The following LRRTM4 variants were observed in gnomAD, a reference collection of about 807,000 sequenced individuals.
The protein encoded by LRRTM4 is leucine-rich repeat transmembrane neuronal protein 4.
A neutral mutation model predicts 47.6 loss-of-function variants in LRRTM4; 25 were observed. That is an observed-to-expected ratio of 0.53 (90% CI 0.38 to 0.73). The LOEUF is 0.73. LRRTM4 is among the 30% of genes least tolerant of loss of function. The pLI, the probability that LRRTM4 is intolerant of heterozygous loss-of-function variation, is 0.00. For missense variants in LRRTM4, 638 were observed against 713.4 expected, an observed-to-expected ratio of 0.89 and a Z score of 1.20; for synonymous variants, 311 against 269.5, an observed-to-expected ratio of 1.15 and a Z score of -1.51.
rs1428249420 is a variant in LRRTM4, at chr2:77,518,664, G to C, written c.1205C>G (p.Pro402Arg). 1 of 1,613,324 alleles carries C rather than the reference G, an allele frequency of 6.2e-7. No homozygotes were observed. Among genetic ancestry groups the C allele is most frequent in the African/African-American group, 1.3e-5 (1 of 74,858 alleles). Residue 402 changes from proline to arginine, a missense_variant, in exon 3 of 4, where the codon CCA becomes CGA. Coordinates refer to ENST00000409884, the MANE Select transcript of LRRTM4 (RefSeq NM_001134745.3). The stretch of plus-strand genomic sequence containing the variant: ...AATCTGAAACCCTGGGGAAGGGCTT[G>C]GTGTTTCAAAGGTGGATTGGGTGAC... ...PDVTQSTFET[P>R]SPSPGFQIPG...
At chr2:76,936,492 G>A (rs955870470) in intron 3 of LRRTM4, among the ~76,000 whole-genome samples, 4 of 151,434 alleles carry the variant, frequency 2.6e-5, no homozygotes, top group Admixed American at 6.6e-5. Context: ...TGTAGATGAC[G>A]GGTTGATGGT....
rs1320690554 is a variant in LRRTM4, at chr2:77,049,013, A to G, written c.1552-300097T>C. ...AGTTTCCACATACTAGTGAGAAAATACAATATTCATCTTTCTGTGCCTGGC... is the reference window on the plus strand; with the variant it reads ...AGTTTCCACATACTAGTGAGAAAATGCAATATTCATCTTTCTGTGCCTGGC... On this transcript the variant is annotated intron_variant, in intron 3 of 3. Coordinates refer to ENST00000409884, the MANE Select transcript of LRRTM4 (RefSeq NM_001134745.3). Among the ~76,000 whole-genome samples, 16 of 151,058 alleles carry G rather than the reference A, an allele frequency of 1.1e-4. No individual in the cohort carries two copies. In the South Asian group the frequency reaches 2.9e-3, roughly 28 times the overall value.
intron 3 of LRRTM4, among the ~76,000 whole-genome samples, chr2:77,344,061 G>A (rs1035057893): frequency 6.6e-6 from 1 of 151,726 alleles, no homozygotes; most frequent in Non-Finnish European, 1.5e-5. Flanking sequence ...TGAAATTCTG[G>A]CCTCTGATTT....
At chr2:76,835,584 A>T (rs567237640) in intron 3 of LRRTM4, among the ~76,000 whole-genome samples, 1 of 152,108 alleles carries the variant, frequency 6.6e-6, no homozygotes. Context: ...TGCTCTGATC[A>T]TAAGTAAAAC....
At chr2:77,244,490 C>A (rs533400470) in intron 3 of LRRTM4, among the ~76,000 whole-genome samples, 1 of 151,872 alleles carries the variant, frequency 6.6e-6, no homozygotes, top group African/African-American at 2.4e-5. Context: ...AATTTTGCAC[C>A]AGAAGAATGG....
chr2:76,811,373 A>C (rs1403234176), intron 3 of LRRTM4, among the ~76,000 whole-genome samples: 2 of 152,170 alleles, frequency 1.3e-5, no homozygotes, highest in African/African-American at 4.8e-5. Context: ...TGAAGGTCCA[A>C]GATGGATGAA....
At chr2:76,835,768 G>A (rs920038446) in intron 3 of LRRTM4, among the ~76,000 whole-genome samples, 4 of 151,960 alleles carry the variant, frequency 2.6e-5, no homozygotes, top group African/African-American at 9.7e-5. Context: ...TACCTCAGTG[G>A]ACCAGCATCC....
At chr2:77,401,308 T>C (rs1426622988) in intron 3 of LRRTM4, among the ~76,000 whole-genome samples, 2 of 151,980 alleles carry the variant, frequency 1.3e-5, no homozygotes, top group Non-Finnish European at 2.9e-5. Context: ...ATCAATGTTA[T>C]AGAATACTTA....
chr2:77,010,290 C>G (rs1677820769), intron 3 of LRRTM4, among the ~76,000 whole-genome samples: 1 of 151,832 alleles, frequency 6.6e-6, no homozygotes. Flanking sequence ...CCTCCCATTC[C>G]TTCCATCCCC....
intron 3 of LRRTM4, among the ~76,000 whole-genome samples, chr2:77,140,691 C>T (rs1672095888): frequency 1.3e-5 from 2 of 152,240 alleles, no homozygotes; most frequent in South Asian, 4.2e-4. Context: ...AACAGGCAAC[C>T]TACAGAATGG....
chr2:77,081,247 AACACAC>A (rs58897041), intron 3 of LRRTM4, among the ~76,000 whole-genome samples: 12,611 of 139,920 alleles, frequency 0.09, 703 homozygotes, highest in East Asian at 0.21. Flanking sequence ...ACCTGACAGC[AACACAC>A]ACACACACAC....
intron 3 of LRRTM4, among the ~76,000 whole-genome samples, chr2:77,067,958 T>C (rs1358134314): frequency 6.6e-6 from 1 of 152,090 alleles, no homozygotes; most frequent in East Asian, 1.9e-4. Context: ...TAAAATAAAT[T>C]GAAAGTAAAT....
At chr2:77,409,754 C>G (rs1385884064) in intron 3 of LRRTM4, among the ~76,000 whole-genome samples, 1 of 152,092 alleles carries the variant, frequency 6.6e-6, no homozygotes, top group Non-Finnish European at 1.5e-5. Context: ...GTTTTACTGG[C>G]CTTAAGTTGA....
intron 3 of LRRTM4, among the ~76,000 whole-genome samples, chr2:77,306,340 G>A (rs1283202860): frequency 2.6e-5 from 4 of 152,152 alleles, no homozygotes; most frequent in Non-Finnish European, 4.4e-5. Context: ...CAGGAACAAT[G>A]GCTTATATCA....
intron 3 of LRRTM4, among the ~76,000 whole-genome samples, chr2:77,038,062 C>G (rs900316884): frequency 6.6e-6 from 1 of 151,522 alleles, no homozygotes; most frequent in Non-Finnish European, 1.5e-5. Context: ...CAGTGATGTG[C>G]CCATCTGTTT....
intron 3 of LRRTM4, among the ~76,000 whole-genome samples, chr2:76,807,650 G>A (rs139235738): frequency 0.029 from 4,224 of 145,826 alleles, 199 homozygotes; most frequent in East Asian, 0.089. Context: ...GGAGTGCAAC[G>A]GTGCGATCTC....
chr2:77,150,349 T>TTTC (rs1672382005), intron 3 of LRRTM4, among the ~76,000 whole-genome samples: 1 of 152,190 alleles, frequency 6.6e-6, no homozygotes, highest in South Asian at 2.1e-4. Flanking sequence ...TTCTCTCTTT[T>TTTC]TTCTTTTTAA....
chr2:77,245,103 T>C (rs2103999189), intron 3 of LRRTM4, among the ~76,000 whole-genome samples: 1 of 152,296 alleles, frequency 6.6e-6, no homozygotes, highest in East Asian at 1.9e-4. Context: ...AGAAAACTAA[T>C]ACATGACAAA....
At chr2:76,787,445 AGAT>A (rs1198702296) in intron 3 of LRRTM4, among the ~76,000 whole-genome samples, 1 of 152,120 alleles carries the variant, frequency 6.6e-6, no homozygotes, top group African/African-American at 2.4e-5. Flanking sequence ...CAACATTATC[AGAT>A]GGTAAGCCCA....
Sources: gnomAD v4.1 joint callset for allele counts (sites outside exome capture counted in the v4.1 genomes callset) on GRCh38, gnomAD v4.1.1 for gene constraint, MANE v1.5 for transcripts, NCBI Gene and HGNC (gene_info 2026-07-23, HGNC 2026-07-21) for gene names.